Variants in RND2 observed in about 807,000 individuals in gnomAD.
RND2 encodes rho-related GTP-binding protein RhoN.
Under a neutral mutation model 25.9 loss-of-function variants are expected in RND2, and 16 were observed. The observed-to-expected ratio is 0.62, with a 90% CI of 0.42 to 0.94. The LOEUF (loss-of-function observed/expected upper bound fraction) is 0.94. RND2 is among the 40% of genes least tolerant of loss of function. The pLI is 0.00. For synonymous variants in RND2, 97 were observed against 118.1 expected, an observed-to-expected ratio of 0.82 and a Z score of 1.16; for missense variants, 276 against 305.5, an observed-to-expected ratio of 0.90 and a Z score of 0.72.
rs967375104 is a variant in RND2, at chr17:43,031,806, G to A, written c.*3126G>A. The stretch of plus-strand genomic sequence containing the variant: ...GGTTGCCAGACGTTTTATTTCTGGG[G>A]AGGAGGGCTCTGGGCTGAGGAGCTC... On this transcript the variant is annotated 3_prime_UTR_variant, in exon 5 of 5. Coordinates refer to ENST00000587250, the MANE Select transcript of RND2 (RefSeq NM_005440.5). 1 of 152,144 alleles carries A rather than the reference G, an allele frequency of 6.6e-6. No homozygotes were observed. The highest frequency in any genetic ancestry group is 6.6e-5 in the Admixed American group (1 of 15,256). The allele number at this position is 152,144 out of a possible 1,614,324, so 9.4% of individuals were successfully genotyped here.
rs1296714143 is a variant in RND2 at position 43,028,116 on chromosome 17, G to A, written c.356G>A (p.Cys119Tyr). 4 of 1,614,188 alleles carry A rather than the reference G, an allele frequency of 2.5e-6. No individual in the cohort carries two copies. The highest frequency in any genetic ancestry group is 3.4e-6 in the Non-Finnish European group (4 of 1,180,036). The change falls in exon 4 of 5, where the codon TGT becomes TAT. Residue 119 changes from cysteine (C) to tyrosine (Y), a missense_variant. Coordinates refer to ENST00000587250, the MANE Select transcript of RND2 (RefSeq NM_005440.5). ...CPNAKVVLVG[C>Y]KLDMRTDLAT... is the part of the protein sequence containing the mutation. ...AATGCCAAGGTTGTGCTGGTTGGCT[G>A]TAAACTGGACATGCGGACTGACCTG...
chr17:43,027,250 C>G lies in RND2; in HGVS notation c.258C>G (p.Phe86Leu), dbSNP rs139472078. ...ATTCTGATGCTGTGCTCATCTGCTT[C>G]GACATTAGCCGACCAGAAACACTGG... ...YPDSDAVLICFDISRPETLDS... is the reference protein window; with the variant it reads ...YPDSDAVLICLDISRPETLDS... The change falls in exon 3 of 5, where the codon TTC becomes TTG. Residue 86 changes from phenylalanine to leucine, a missense_variant. Coordinates refer to ENST00000587250, the MANE Select transcript of RND2 (RefSeq NM_005440.5). The G allele has an allele frequency of 5.6e-6, 9 of 1,612,870 alleles. No individual in the cohort carries two copies. The highest frequency in any genetic ancestry group is 6.8e-6 in the Non-Finnish European group (8 of 1,179,368).
chr17:43,028,381 G>A (rs1234440078), intron 4 of RND2, 51 bp from the exon 5 acceptor site: 1 of 1,600,786 alleles, frequency 6.2e-7, no homozygotes, highest in Non-Finnish European at 8.5e-7. Flanking sequence ...CCCTTTCTAA[G>A]CTGCAGGCTA....
Position 43,025,260 on chromosome 17 carries a change from C to T in RND2, c.-88C>T. On this transcript the variant is annotated 5_prime_UTR_variant, in exon 1 of 5. Transcript: ENST00000587250. ...GCCCGCGAGATGCCGGTGTTGGCGG[C>T]CCGAGCGGCTGCAGTTGCAGGGGCG... is the stretch of plus-strand genomic sequence containing the variant. The T allele has an allele frequency of 8.4e-7, 1 of 1,186,106 alleles. No individual in the cohort carries two copies. The highest frequency in any genetic ancestry group is 1.1e-6 in the Non-Finnish European group (1 of 916,474). 73.5% of individuals were successfully genotyped at this position (1,186,106 alleles called of 1,614,324 possible).
intron 2 of RND2, among the ~76,000 whole-genome samples, chr17:43,026,749 C>T (rs2050626251): frequency 6.6e-6 from 1 of 152,138 alleles, no homozygotes; most frequent in Non-Finnish European, 1.5e-5. Flanking sequence ...AGGTCAAGTC[C>T]CAGGAGAATG....
Position 43,029,995 on chromosome 17 carries a change from A to C in RND2, c.*1315A>C, listed in dbSNP as rs905254321. ...ACAGCGTGAAGTTTCCTAAGAGGTCAGTAGTTTGATTCTGGGGTCTCCTTA... is the reference window on the plus strand; with the variant it reads ...ACAGCGTGAAGTTTCCTAAGAGGTCCGTAGTTTGATTCTGGGGTCTCCTTA... On this transcript the variant is annotated 3_prime_UTR_variant, in exon 5 of 5. Transcript: ENST00000587250. 2 of 151,492 alleles carry C rather than the reference A, an allele frequency of 1.3e-5. No individual in the cohort carries two copies. Among genetic ancestry groups the C allele is most frequent in the African/African-American group, 2.4e-5 (1 of 41,224 alleles). The allele number at this position is 151,492 out of a possible 1,614,324, so 9.4% of individuals were successfully genotyped here.
At chr17:43,028,319 C>A in intron 4 of RND2, 113 bp from the exon 5 acceptor site, 2 of 1,580,076 alleles carry the variant, frequency 1.3e-6, no homozygotes, top group South Asian at 1.2e-5. Flanking sequence ...CTGACCTGAT[C>A]CCTTGACTGC....
At chr17:43,027,329 G>C (rs760264584) in intron 3 of RND2, 37 bp downstream of exon 3, 2 of 1,413,256 alleles carry the variant, frequency 1.4e-6, no homozygotes, top group Non-Finnish European at 2.0e-6. Context: ...TAGACTGAGG[G>C]GGACCAGACC....
intron 1 of RND2, 144 bp from the exon 2 acceptor site, chr17:43,025,812 CAGGA>C: frequency 5.5e-5 from 1 of 18,176 alleles, no homozygotes; most frequent in Non-Finnish European, 9.6e-5. Context: ...GGGGGGGGGG[CAGGA>C]GCTCCCGGGA....
Position 43,025,304 on chromosome 17 carries a change from C to T in RND2, c.-44C>T. 1 of 1,467,158 alleles carries T rather than the reference C, an allele frequency of 6.8e-7. No individual in the cohort carries two copies. Among genetic ancestry groups the T allele is most frequent in the Non-Finnish European group, 9.1e-7 (1 of 1,104,258 alleles). The allele number at this position is 1,467,158 out of a possible 1,614,324, so 90.9% of individuals were successfully genotyped here. On this transcript the variant is annotated 5_prime_UTR_variant, in exon 1 of 5. Coordinates refer to ENST00000587250, the MANE Select transcript of RND2 (RefSeq NM_005440.5). Reference sequence around the variant, plus strand: ...AGGGGCGGGGGAGGCGGCGGCGGGGCCCGGGAGAGGGGTGGCGTGGGGGAC... The same window carrying T: ...AGGGGCGGGGGAGGCGGCGGCGGGGTCCGGGAGAGGGGTGGCGTGGGGGAC...
At chr17:43,028,245 G>A (rs2050640451) in intron 4 of RND2, 50 bp downstream of exon 4, 2 of 1,609,522 alleles carry the variant, frequency 1.2e-6, no homozygotes, top group African/African-American at 2.7e-5. Context: ...TGTCACCTCT[G>A]CCCCTTCAGT....
At position 43,030,112 on chromosome 17, in the gene RND2, G is replaced by A. The variant is rs930517019; in HGVS notation, c.*1432G>A. 3 of 152,326 alleles carry A rather than the reference G, an allele frequency of 2.0e-5. No individual in the cohort carries two copies. Among genetic ancestry groups the A allele is most frequent in the African/African-American group, 7.3e-5 (3 of 41,356 alleles). The allele number at this position is 152,326 out of a possible 1,614,324, so 9.4% of individuals were successfully genotyped here. A position where few individuals can be genotyped will look rare whatever the true frequency, so the allele number is the denominator to read the frequency against. On this transcript the variant is annotated 3_prime_UTR_variant, in exon 5 of 5. Coordinates refer to ENST00000587250, the MANE Select transcript of RND2 (RefSeq NM_005440.5). Reference sequence around the variant, plus strand: ...CAGCTGTTAGAGTCACCCCTACCCTGTCCCTTAAAGGAAAGACGGTGGAGA... The same window carrying A: ...CAGCTGTTAGAGTCACCCCTACCCTATCCCTTAAAGGAAAGACGGTGGAGA...
At chr17:43,028,324 G>T in intron 4 of RND2, 108 bp from the exon 5 acceptor site, 2 of 1,581,108 alleles carry the variant, frequency 1.3e-6, no homozygotes, top group South Asian at 2.3e-5. Flanking sequence ...CTGATCCCTT[G>T]ACTGCCCCCA....
intron 1 of RND2, 154 bp downstream of exon 1, chr17:43,025,603 C>A (rs2050614433): frequency 5.1e-6 from 3 of 588,554 alleles, no homozygotes; most frequent in Non-Finnish European, 6.4e-6. Context: ...TCAGGAAGGA[C>A]TGCAGAGGAT....
intron 2 of RND2, 54 bp downstream of exon 2, chr17:43,026,101 C>T: frequency 1.5e-6 from 2 of 1,326,242 alleles, no homozygotes; most frequent in Non-Finnish European, 2.2e-6. Context: ...ACTCTGTCCC[C>T]TCCCTTGGTT....
In RND2 at chr17:43,028,846, T is replaced by G; in HGVS notation, c.*166T>G. On this transcript the variant is annotated 3_prime_UTR_variant, in exon 5 of 5. Coordinates refer to ENST00000587250, the MANE Select transcript of RND2 (RefSeq NM_005440.5). Reference sequence around the variant, plus strand: ...GAGGGCAGAAGGGTATCATCGTTTCTCATCTCCTCCTCCCTCCTCTTCTCC... The same window carrying G: ...GAGGGCAGAAGGGTATCATCGTTTCGCATCTCCTCCTCCCTCCTCTTCTCC... 1 of 972,678 alleles carries G rather than the reference T, an allele frequency of 1.0e-6. No individual in the cohort carries two copies. The highest frequency in any genetic ancestry group is 1.7e-5 in the South Asian group (1 of 58,502). 60.3% of individuals were successfully genotyped at this position (972,678 alleles called of 1,614,324 possible). A position where few individuals can be genotyped will look rare whatever the true frequency, so the allele number is the denominator to read the frequency against.
chr17:43,028,391 AAGACCTAT>A, intron 4 of RND2, 33 bp from the exon 5 acceptor site: 1 of 1,607,006 alleles, frequency 6.2e-7, no homozygotes, highest in East Asian at 2.2e-5. Context: ...GCTGCAGGCT[AAGACCTAT>A]AACTTTCTCC....
Position 43,027,195 on chromosome 17 carries a change from A to G in RND2, c.203A>G (p.Tyr68Cys), listed in dbSNP as rs1018498092. The G allele has an allele frequency of 1.2e-5, 20 of 1,604,732 alleles. No homozygotes were observed. The highest frequency in any genetic ancestry group is 1.7e-5 in the Non-Finnish European group (20 of 1,175,074). Reference sequence around the variant, plus strand: ...TGTCTTCCTTCAGGTTCCTCTTACTATGATAATGTCCGGCCTCTGGCCTAT... The same window carrying G: ...TGTCTTCCTTCAGGTTCCTCTTACTGTGATAATGTCCGGCCTCTGGCCTAT... Reference protein sequence around the residue: ...NMWDTSGSSYYDNVRPLAYPD... With the variant: ...NMWDTSGSSYCDNVRPLAYPD... Residue 68 changes from tyrosine (Y) to cysteine (C), a missense_variant, in exon 3 of 5, where the codon TAT becomes TGT. Transcript: ENST00000587250.
At position 43,028,204 on chromosome 17, in the gene RND2, CT is replaced by C. The variant is rs969568793; in HGVS notation, c.435+11del. 1 of 1,613,958 alleles carries C rather than the reference CT, an allele frequency of 6.2e-7. No homozygotes were observed. The highest frequency in any genetic ancestry group is 1.3e-5 in the African/African-American group (1 of 74,916). On this transcript the variant is annotated intron_variant, in intron 4 of 4. Transcript: ENST00000587250. ...CTGTTACACATGAGCAGGTGGGACC[CT>C]TGACGTCTGACCTCATCCCAGCCTA...
Sources: allele counts gnomAD v4.1 joint callset (sites outside exome capture counted in the v4.1 genomes callset), GRCh38; gene constraint gnomAD v4.1.1; transcripts MANE v1.5; gene names NCBI Gene and HGNC (gene_info 2026-07-23, HGNC 2026-07-21).